The following FAM98B variants were observed in gnomAD, a reference collection of about 807,000 sequenced individuals.
FAM98B encodes tRNA-splicing ligase complex subunit FAM98B.
A neutral mutation model predicts 43.9 loss-of-function variants in FAM98B; 32 were observed. The ratio of observed to expected loss-of-function variants is 0.73; its 90% CI spans 0.55 to 0.98. FAM98B has a LOEUF of 0.98. FAM98B is among the 50% of genes least tolerant of loss of function. FAM98B has a pLI of 0.00. For synonymous variants in FAM98B, 190 were observed against 174.0 expected (o/e 1.09, Z -0.72); for missense variants, 514 against 522.9 (o/e 0.98, Z 0.17).
chr15:38,484,851 A>C lies in FAM98B; in HGVS notation c.*192A>C, dbSNP rs1890346042. ...AGTTGATCTCTCAAATGAAGTGATGACTTTTTCCATATTCTGTGTACCCTT... is the reference window on the plus strand; with the variant it reads ...AGTTGATCTCTCAAATGAAGTGATGCCTTTTTCCATATTCTGTGTACCCTT... On this transcript the variant is annotated 3_prime_UTR_variant, in exon 8 of 8. Coordinates refer to ENST00000397609, the MANE Select transcript of FAM98B (RefSeq NM_173611.4). The C allele has an allele frequency of 3.5e-6, 3 of 847,196 alleles. No individual in the cohort carries two copies. The highest frequency in any genetic ancestry group is 4.9e-6 in the Non-Finnish European group (3 of 612,338). The allele number at this position is 847,196 out of a possible 1,614,324, so 52.5% of individuals were successfully genotyped here. A position where few individuals can be genotyped will look rare whatever the true frequency, so the allele number is the denominator to read the frequency against.
At position 38,454,156 on chromosome 15, in the gene FAM98B, A is replaced by G. The variant is rs1224632035; in HGVS notation, c.-6A>G. The G allele has an allele frequency of 6.3e-6, 10 of 1,593,492 alleles. No individual in the cohort carries two copies. The highest frequency in any genetic ancestry group is 3.6e-5 in the Admixed American group (2 of 55,566). ...AGAGCGCCGAACAGCTCTGGGCCAA[A>G]GGACCATGAGAGGGCCGGAGCCGGG... On this transcript the variant is annotated 5_prime_UTR_variant, in exon 1 of 8. Coordinates refer to ENST00000397609, the MANE Select transcript of FAM98B (RefSeq NM_173611.4).
intron 5 of FAM98B, 74 bp downstream of exon 5, chr15:38,473,659 C>A: frequency 8.2e-7 from 1 of 1,214,184 alleles, no homozygotes; most frequent in Non-Finnish European, 1.2e-6. Context: ...AAATGAACAT[C>A]TATTTTGCAA....
intron 6 of FAM98B, among the ~76,000 whole-genome samples, chr15:38,476,300 G>T (rs1890198899): frequency 6.6e-6 from 1 of 150,988 alleles, no homozygotes; most frequent in African/African-American, 2.4e-5. Context: ...TAAGCTTTTG[G>T]GCTCTTTATC....
Position 38,464,023 on chromosome 15 carries a change from C to G in FAM98B, c.72-9C>G, listed in dbSNP as rs1463488679. ...ATTTAGTTTTTAACTTGTATTTCTT[C>G]CTTTCTAGGTATAAAGGACCATTGT... On this transcript the variant is annotated splice_polypyrimidine_tract_variant and intron_variant, in intron 1 of 7. Coordinates refer to ENST00000397609, the MANE Select transcript of FAM98B (RefSeq NM_173611.4). 1 of 1,579,938 alleles carries G rather than the reference C, an allele frequency of 6.3e-7. No homozygotes were observed. Among genetic ancestry groups the G allele is most frequent in the Non-Finnish European group, 8.6e-7 (1 of 1,163,632 alleles).
chr15:38,455,264 G>A (rs1199789309), intron 1 of FAM98B, among the ~76,000 whole-genome samples: 8 of 152,222 alleles, frequency 5.3e-5, no homozygotes, highest in Non-Finnish European at 7.3e-5. Flanking sequence ...GGACCAGATA[G>A]TTGAGTCATA....
At chr15:38,472,185 G>A (rs1487513861) in intron 4 of FAM98B, among the ~76,000 whole-genome samples, 1 of 152,108 alleles carries the variant, frequency 6.6e-6, no homozygotes, top group Non-Finnish European at 1.5e-5. Flanking sequence ...TCCTAGGAAT[G>A]GAGCTGAATG....
At chr15:38,481,695 G>A in intron 7 of FAM98B, 1 of 1,268,050 alleles carries the variant, frequency 7.9e-7, no homozygotes, top group Non-Finnish European at 1.1e-6. Context: ...AATTGTTTTT[G>A]TCAAAGCTTT....
At chr15:38,476,378 A>G (rs1395369774) in intron 6 of FAM98B, among the ~76,000 whole-genome samples, 6 of 151,302 alleles carry the variant, frequency 4.0e-5, no homozygotes, top group Admixed American at 4.0e-4. Flanking sequence ...GCCCTACTAG[A>G]TGGACCTTTC....
chr15:38,481,680 T>G (rs1890290442), intron 7 of FAM98B: 1 of 1,345,686 alleles, frequency 7.4e-7, no homozygotes. Flanking sequence ...ATTAGAGGAA[T>G]TATGAATTGT....
intron 1 of FAM98B, chr15:38,459,046 G>C (rs981656946): frequency 1.5e-5 from 5 of 344,486 alleles, no homozygotes; most frequent in Non-Finnish European, 2.3e-5. Context: ...TCCGTCACAG[G>C]GTTGGCATAC....
At chr15:38,454,513 C>G (rs1271702900) in intron 1 of FAM98B, among the ~76,000 whole-genome samples, 2 of 152,236 alleles carry the variant, frequency 1.3e-5, no homozygotes, top group African/African-American at 4.8e-5. Flanking sequence ...CGGAGCGGCC[C>G]TTCTAGCACC....
intron 7 of FAM98B, among the ~76,000 whole-genome samples, chr15:38,484,054 T>C (rs2141063684): frequency 6.6e-6 from 1 of 152,166 alleles, no homozygotes; most frequent in East Asian, 2.0e-4. Context: ...TACTTCTGTC[T>C]AGCCGTGATT....
chr15:38,482,845 G>A (rs925779189), intron 7 of FAM98B: 7 of 152,278 alleles, frequency 4.6e-5, no homozygotes, highest in African/African-American at 1.7e-4. Flanking sequence ...ACTTTTTATA[G>A]AAGGTTGGAT....
rs1890348933 is a variant in FAM98B at position 38,485,086 on chromosome 15, T to G, written c.*427T>G. 1 of 153,330 alleles carries G rather than the reference T, an allele frequency of 6.5e-6. No homozygotes were observed. The highest frequency in any genetic ancestry group is 2.4e-5 in the African/African-American group (1 of 41,480). 9.5% of individuals were successfully genotyped at this position (153,330 alleles called of 1,614,324 possible). On this transcript the variant is annotated 3_prime_UTR_variant, in exon 8 of 8. Transcript: ENST00000397609. ...ATATAGACCCTTGCCTCACCTGTAT[T>G]GCTGTGGATGTGTTTTGTGGGTTTT... is the stretch of plus-strand genomic sequence containing the variant.
chr15:38,459,529 A>G (rs1889912170), intron 1 of FAM98B: 2 of 303,978 alleles, frequency 6.6e-6, no homozygotes, highest in Non-Finnish European at 1.3e-5. Context: ...TGATGATGGA[A>G]CTGTGCTCCA....
Position 38,484,605 on chromosome 15 carries a change from AGGTGGTGGTGGT to A in FAM98B, c.1266_1277del (p.Gly426_Gly429del), listed in dbSNP as rs201831942. 4.9e-5 allele frequency: 51 copies of A among 1,049,618 alleles called. No homozygotes were observed. The East Asian group carries it at 6.3e-4, about 13-fold the overall frequency. The allele number at this position is 1,049,618 out of a possible 1,614,324, so 65.0% of individuals were successfully genotyped here. ...GAGGCTATGGAGATCCATATGGAGG[AGGTGGTGGTGGT>A]GGTGGTGGTGGTGGTGGAGGAGGTG... On this transcript the variant is annotated inframe_deletion, in exon 8 of 8. Coordinates refer to ENST00000397609, the MANE Select transcript of FAM98B (RefSeq NM_173611.4).
In FAM98B at chr15:38,458,250, G is replaced by A. The variant is rs537375827; in HGVS notation, c.71+4018G>A. Among the ~76,000 whole-genome samples, 10 of 152,336 alleles carry A rather than the reference G, an allele frequency of 6.6e-5. No individual in the cohort carries two copies. In the South Asian group the frequency reaches 2.1e-3, roughly 32 times the overall value. ...CAGAAATGTCTTATTTTTGTCTGCA[G>A]CAGCTGGCTGGAGAAAGATTTTGGA... is the stretch of plus-strand genomic sequence containing the variant. On this transcript the variant is annotated intron_variant, in intron 1 of 7. Coordinates refer to ENST00000397609, the MANE Select transcript of FAM98B (RefSeq NM_173611.4).
intron 4 of FAM98B, among the ~76,000 whole-genome samples, chr15:38,471,590 A>G (rs1054094416): frequency 1.3e-5 from 2 of 152,112 alleles, no homozygotes; most frequent in African/African-American, 4.8e-5. Flanking sequence ...AAATACTGGC[A>G]TACTAATTAT....
At chr15:38,455,787 C>T (rs763102930) in intron 1 of FAM98B, among the ~76,000 whole-genome samples, 3 of 152,080 alleles carry the variant, frequency 2.0e-5, no homozygotes, top group Non-Finnish European at 4.4e-5. Flanking sequence ...ACTTATTGTT[C>T]ATATTATAAG....
Sources: gnomAD v4.1 joint callset for allele counts (sites outside exome capture counted in the v4.1 genomes callset) on GRCh38, gnomAD v4.1.1 for gene constraint, MANE v1.5 for transcripts, NCBI Gene and HGNC (gene_info 2026-07-23, HGNC 2026-07-21) for gene names.